Variants in PRKG1 observed in about 807,000 individuals in gnomAD.
PRKG1 encodes the protein protein kinase cGMP-dependent 1, also known as cGMP-dependent protein kinase 1.
A neutral mutation model predicts 88.1 loss-of-function variants in PRKG1; 35 were observed. That is an observed-to-expected ratio of 0.40 (90% CI 0.30 to 0.53). The LOEUF (loss-of-function observed/expected upper bound fraction) is 0.53, where lower values mean the gene tolerates loss of function less well. Ranked by LOEUF, PRKG1 falls within the 20% of genes least tolerant of loss-of-function variation. The pLI, the probability that PRKG1 is intolerant of heterozygous loss-of-function variation, is 0.59. For synonymous variants in PRKG1, 303 were observed against 292.5 expected (o/e 1.04, Z -0.37); for missense variants, 540 against 839.8 (o/e 0.64, Z 4.41).
chr10:51,495,879 T>C (rs1003692810), intron 3 of PRKG1, among the ~76,000 whole-genome samples: 2 of 152,208 alleles, frequency 1.3e-5, no homozygotes, highest in African/African-American at 4.8e-5. Context: ...TGTTATTTTG[T>C]CTACCCAGTG....
At chr10:52,190,480 C>G (rs1198116865) in intron 9 of PRKG1, among the ~76,000 whole-genome samples, 2 of 151,790 alleles carry the variant, frequency 1.3e-5, no homozygotes, top group Admixed American at 6.6e-5. Context: ...ATGGGTAACA[C>G]TTGTTGGGCC....
intron 3 of PRKG1, among the ~76,000 whole-genome samples, chr10:51,665,463 G>A (rs994364797): frequency 3.3e-5 from 5 of 152,064 alleles, no homozygotes; most frequent in African/African-American, 4.8e-5. Context: ...TTTTAAGACC[G>A]TATGATCAGT....
intron 3 of PRKG1, among the ~76,000 whole-genome samples, chr10:51,500,591 A>T (rs1180002138): frequency 6.6e-6 from 1 of 152,150 alleles, no homozygotes; most frequent in Non-Finnish European, 1.5e-5. Flanking sequence ...ATTGGGGCTG[A>T]TAGTATTATA....
chr10:51,521,789 C>T (rs962189514), intron 3 of PRKG1, among the ~76,000 whole-genome samples: 11 of 152,070 alleles, frequency 7.2e-5, no homozygotes, highest in Non-Finnish European at 1.0e-4. Flanking sequence ...GAACTTGGCA[C>T]GTAATTAGTC....
intron 2 of PRKG1, among the ~76,000 whole-genome samples, chr10:51,171,330 C>A (rs1464981127): frequency 6.6e-6 from 1 of 152,080 alleles, no homozygotes; most frequent in African/African-American, 2.4e-5. Context: ...AAAGAGCTCT[C>A]AAAATATGAT....
chr10:51,872,238 C>A (rs1295550107), intron 4 of PRKG1, among the ~76,000 whole-genome samples: 1 of 152,182 alleles, frequency 6.6e-6, no homozygotes, highest in Non-Finnish European at 1.5e-5. Flanking sequence ...TCTTAGCTGT[C>A]GTATGACTTG....
intron 1 of PRKG1, 143 bp downstream of exon 1, chr10:51,075,044 C>A: frequency 8.1e-7 from 1 of 1,238,274 alleles, no homozygotes; most frequent in Non-Finnish European, 1.1e-6. Context: ...ACGGGCACTT[C>A]TTGCGGGGCT....
At chr10:51,806,205 G>A (rs760812094) in intron 4 of PRKG1, among the ~76,000 whole-genome samples, 7 of 152,110 alleles carry the variant, frequency 4.6e-5, no homozygotes, top group Non-Finnish European at 7.3e-5. Context: ...GTAACCTATG[G>A]AATGCAGTCC....
chr10:52,043,859 A>G (rs1289659834), intron 5 of PRKG1, among the ~76,000 whole-genome samples: 2 of 151,390 alleles, frequency 1.3e-5, no homozygotes, highest in Non-Finnish European at 2.9e-5. Flanking sequence ...GGAAAAAAAA[A>G]CCAAGGATTG....
intron 3 of PRKG1, among the ~76,000 whole-genome samples, chr10:51,721,354 CA>C (rs1842010057): frequency 1.3e-5 from 2 of 152,004 alleles, no homozygotes; most frequent in Non-Finnish European, 2.9e-5. Context: ...TCATGTACTT[CA>C]AGGCAAAGAA....
At chr10:52,053,028 A>G (rs1846027074) in intron 5 of PRKG1, among the ~76,000 whole-genome samples, 1 of 152,178 alleles carries the variant, frequency 6.6e-6, no homozygotes, top group Non-Finnish European at 1.5e-5. Flanking sequence ...TGCAGCATAG[A>G]TATCTTGTTA....
intron 4 of PRKG1, among the ~76,000 whole-genome samples, chr10:51,872,639 G>A (rs1357473636): frequency 1.3e-5 from 2 of 151,956 alleles, no homozygotes; most frequent in Non-Finnish European, 2.9e-5. Context: ...ATATTGTTAT[G>A]ATGCTTACCA....
chr10:51,137,727 G>C (rs1026509312), intron 1 of PRKG1, among the ~76,000 whole-genome samples: 10 of 152,186 alleles, frequency 6.6e-5, no homozygotes, highest in Admixed American at 5.9e-4. Flanking sequence ...TGAGGCAGGG[G>C]GTTGATTTAC....
At chr10:51,481,396 C>T (rs1014612868) in intron 3 of PRKG1, among the ~76,000 whole-genome samples, 3 of 152,132 alleles carry the variant, frequency 2.0e-5, no homozygotes, top group African/African-American at 7.2e-5. Flanking sequence ...TACAGGTGCC[C>T]ACCACCATGC....
At chr10:51,797,570 AT>A (rs1206626415) in intron 3 of PRKG1, among the ~76,000 whole-genome samples, 2 of 147,082 alleles carry the variant, frequency 1.4e-5, no homozygotes, top group Non-Finnish European at 3.0e-5. Flanking sequence ...TTATTATATT[AT>A]TTTATGTTAT....
chr10:51,384,086 A>C (rs545970338), intron 2 of PRKG1, among the ~76,000 whole-genome samples: 1 of 151,874 alleles, frequency 6.6e-6, no homozygotes, highest in South Asian at 2.1e-4. Context: ...TGTTAAATGA[A>C]TTCTCTTTGA....
intron 2 of PRKG1, among the ~76,000 whole-genome samples, chr10:51,410,276 G>A (rs1048505535): frequency 1.1e-4 from 16 of 151,286 alleles, no homozygotes; most frequent in South Asian, 2.1e-4. Flanking sequence ...ATATATGTGT[G>A]TGTGTGTGTG....
chr10:52,159,942 T>C (rs1838234054), intron 8 of PRKG1, among the ~76,000 whole-genome samples: 2 of 151,942 alleles, frequency 1.3e-5, no homozygotes, highest in Non-Finnish European at 2.9e-5. Context: ...CTTTTCATAA[T>C]GTTTTGGATT....
chr10:51,672,181 AGTGT>A (rs1201213506), intron 3 of PRKG1, among the ~76,000 whole-genome samples: 8 of 152,012 alleles, frequency 5.3e-5, no homozygotes, highest in Non-Finnish European at 1.0e-4. Context: ...CTATTTGAAT[AGTGT>A]CTACCTTTAG....
Sources: gnomAD v4.1 joint callset for allele counts (sites outside exome capture counted in the v4.1 genomes callset) on GRCh38, gnomAD v4.1.1 for gene constraint, MANE v1.5 for transcripts, NCBI Gene and HGNC (gene_info 2026-07-23, HGNC 2026-07-21) for gene names.